Variants in NCOR1 observed in about 807,000 individuals in gnomAD.
NCOR1 encodes the protein nuclear receptor corepressor 1, also known as protein phosphatase 1, regulatory subunit 109.
A neutral mutation model predicts 288.1 loss-of-function variants in NCOR1; 63 were observed. The ratio of observed to expected loss-of-function variants is 0.22; its 90% CI spans 0.18 to 0.27. The LOEUF is 0.27. NCOR1 is among the 10% of genes least tolerant of loss of function. The pLI is 1.00. For synonymous variants in NCOR1, 1,007 were observed against 1,065.9 expected, an observed-to-expected ratio of 0.94 and a Z score of 1.08; for missense variants, 2,397 against 3,019.2, an observed-to-expected ratio of 0.79 and a Z score of 4.83.
At chr17:16,114,427 A>T (rs1295230523) in intron 18 of NCOR1, among the ~76,000 whole-genome samples, 2 of 152,100 alleles carry the variant, frequency 1.3e-5, no homozygotes, top group African/African-American at 4.8e-5. Flanking sequence ...CCTTCCCAAC[A>T]GTCCTCCAAA....
intron 2 of NCOR1, among the ~76,000 whole-genome samples, chr17:16,194,160 A>T (rs2089253212): frequency 6.6e-6 from 1 of 152,164 alleles, no homozygotes; most frequent in Admixed American, 6.5e-5. Flanking sequence ...CTCAGCCACA[A>T]CTTGGGAGTA....
intron 37 of NCOR1, among the ~76,000 whole-genome samples, chr17:16,059,830 C>G (rs1459218998): frequency 6.6e-6 from 1 of 152,202 alleles, no homozygotes; most frequent in Non-Finnish European, 1.5e-5. Flanking sequence ...CTATCCCCAC[C>G]AGGTCATGGA....
intron 3 of NCOR1, among the ~76,000 whole-genome samples, chr17:16,184,536 C>T (rs977772530): frequency 5.9e-5 from 9 of 151,986 alleles, no homozygotes; most frequent in Non-Finnish European, 1.3e-4. Flanking sequence ...CATTAGGATG[C>T]CTATTACCAA....
At chr17:16,213,132 C>T (rs2092288107) in intron 1 of NCOR1, among the ~76,000 whole-genome samples, 1 of 151,256 alleles carries the variant, frequency 6.6e-6, no homozygotes, top group Admixed American at 6.6e-5. Context: ...TCCATCATTT[C>T]ATTCTTTTTT....
intron 19 of NCOR1, 33 bp downstream of exon 19, chr17:16,108,753 G>A (rs1162089699): frequency 6.4e-7 from 1 of 1,563,342 alleles, no homozygotes; most frequent in Non-Finnish European, 8.7e-7. Flanking sequence ...CTGGATAGCA[G>A]ATGTCACAAC....
At chr17:16,155,275 C>G (rs916228665) in intron 6 of NCOR1, among the ~76,000 whole-genome samples, 1 of 150,354 alleles carries the variant, frequency 6.7e-6, no homozygotes, top group African/African-American at 2.4e-5. Context: ...CACTTGAACC[C>G]GGGAGGTGGA....
At chr17:16,095,521 C>T (rs1482863186) in intron 21 of NCOR1, among the ~76,000 whole-genome samples, 1 of 141,010 alleles carries the variant, frequency 7.1e-6, no homozygotes, top group Non-Finnish European at 1.6e-5. Flanking sequence ...GCCAGCCGCC[C>T]CATCCGGGAG....
intron 4 of NCOR1, among the ~76,000 whole-genome samples, chr17:16,169,754 C>G (rs1368754220): frequency 6.6e-6 from 1 of 152,196 alleles, no homozygotes; most frequent in Non-Finnish European, 1.5e-5. Context: ...AGACACTTTT[C>G]TGCTAAAAAA....
At chr17:16,040,926 G>C (rs2057443701) in intron 42 of NCOR1, 1 of 173,036 alleles carries the variant, frequency 5.8e-6, no homozygotes, top group African/African-American at 2.4e-5. Context: ...AAAGGGAAAG[G>C]AACTTTGCAC....
chr17:16,154,437 C>A (rs1371865743), intron 6 of NCOR1, among the ~76,000 whole-genome samples: 2 of 152,126 alleles, frequency 1.3e-5, no homozygotes, highest in East Asian at 3.9e-4. Flanking sequence ...TAAGCCTTCC[C>A]ACCACAGGAA....
intron 8 of NCOR1, among the ~76,000 whole-genome samples, chr17:16,149,856 G>C (rs1386199413): frequency 6.6e-6 from 1 of 152,018 alleles, no homozygotes; most frequent in Non-Finnish European, 1.5e-5. Context: ...TTACTCTTTG[G>C]AGAAGGGAGG....
rs372102514 is a variant in NCOR1 at position 16,095,918 on chromosome 17, G to A, written c.2820+2449C>T. 2.8e-3 allele frequency among the ~76,000 whole-genome samples: 427 copies of A among 152,226 alleles called. 14 individuals carry two copies. The East Asian group carries it at 0.069, about 24-fold the overall frequency. On this transcript the variant is annotated intron_variant, in intron 21 of 45. Transcript: ENST00000268712. ...AGGTGGGGAAAAGATTGAGAAATCG[G>A]ATGGTTGCTGTGTCTGTGTAGAAAG...
chr17:16,072,887 A>T (rs2061927564), intron 28 of NCOR1, among the ~76,000 whole-genome samples: 1 of 152,224 alleles, frequency 6.6e-6, no homozygotes, highest in Non-Finnish European at 1.5e-5. Context: ...CATACTGATC[A>T]TGTACTGAAG....
rs1478074774 is a variant in NCOR1 at position 16,062,573 on chromosome 17, G to A, written c.5222-303C>T. Among the ~76,000 whole-genome samples the A allele has an allele frequency of 3.9e-5, 6 of 152,248 alleles. No individual in the cohort carries two copies. The East Asian group carries it at 9.6e-4, about 24-fold the overall frequency. On this transcript the variant is annotated intron_variant, in intron 35 of 45. Transcript: ENST00000268712. ...ATAAATAAAACAGCACCAACAAGAA[G>A]TACTACTACAAATCATATAAGTTCA...
rs900762304 is a variant in NCOR1, at chr17:16,203,071, A to ACACACACACT, written c.-70-8433_-70-8432insAGTGTGTGTG. ...CACACACACACACACACACACACAC[A>ACACACACACT]CTCTGAAGCTTCCCAGGCCTCTCCA... On this transcript the variant is annotated intron_variant, in intron 1 of 45. Transcript: ENST00000268712. 3.6e-3 allele frequency among the ~76,000 whole-genome samples: 518 copies of ACACACACACT among 143,088 alleles called. 2 individuals carry two copies. Among genetic ancestry groups the ACACACACACT allele is most frequent in the African/African-American group, 0.013 (501 of 39,436 alleles). 93.9% of individuals were successfully genotyped at this position (143,088 alleles called of 152,430 possible). A position where few individuals can be genotyped will look rare whatever the true frequency, so the allele number is the denominator to read the frequency against.
At chr17:16,209,217 T>C (rs960184971) in intron 1 of NCOR1, among the ~76,000 whole-genome samples, 2 of 152,024 alleles carry the variant, frequency 1.3e-5, no homozygotes, top group South Asian at 4.1e-4. Flanking sequence ...GATCAAACCC[T>C]TGAAAAATAG....
chr17:16,076,344 C>A (rs1801114725), intron 26 of NCOR1, among the ~76,000 whole-genome samples: 1 of 152,160 alleles, frequency 6.6e-6, no homozygotes, highest in Admixed American at 6.5e-5. Flanking sequence ...GCATTTGGCC[C>A]AGGAACTGTT....
intron 1 of NCOR1, among the ~76,000 whole-genome samples, chr17:16,195,586 C>T (rs549912172): frequency 1.3e-5 from 2 of 152,292 alleles, no homozygotes; most frequent in East Asian, 3.9e-4. Context: ...GTGCCAATGC[C>T]ACACTTTTCA....
In NCOR1 at chr17:16,043,737, C is replaced by T. The variant is rs73981423; in HGVS notation, c.6679+3214G>A. Among the ~76,000 whole-genome samples, 313 of 152,304 alleles carry T rather than the reference C, an allele frequency of 2.1e-3. 2 individuals carry two copies. Among genetic ancestry groups the T allele is most frequent in the African/African-American group, 7.2e-3 (298 of 41,550 alleles). ...TGGCTGCTCTGAGATCTCTAGCTCT[C>T]CGTGCTCACACAGATTCATCTCTGA... is the stretch of plus-strand genomic sequence containing the variant. On this transcript the variant is annotated intron_variant, in intron 42 of 45. Coordinates refer to ENST00000268712, the MANE Select transcript of NCOR1 (RefSeq NM_006311.4).
Sources: gnomAD v4.1 joint callset for allele counts (sites outside exome capture counted in the v4.1 genomes callset) on GRCh38, gnomAD v4.1.1 for gene constraint, MANE v1.5 for transcripts, NCBI Gene and HGNC (gene_info 2026-07-23, HGNC 2026-07-21) for gene names.